The following CELSR1 variants were observed in gnomAD, a reference collection of about 807,000 sequenced individuals.
CELSR1 encodes adhesion G protein-coupled receptor C1.
In CELSR1, 110 loss-of-function variants were observed where a neutral mutation model predicts 249.1. That is an observed-to-expected ratio of 0.44 (90% CI 0.38 to 0.52). CELSR1 has a LOEUF of 0.52. CELSR1 is among the 20% of genes least tolerant of loss of function. CELSR1 has a pLI of 0.00. For missense variants in CELSR1, 4,109 were observed against 4,296.4 expected, an observed-to-expected ratio of 0.96 and a Z score of 1.22; for synonymous variants, 2,113 against 1,900.0, an observed-to-expected ratio of 1.11 and a Z score of -2.92.
chr22:46,435,556 T>A lies in CELSR1; in HGVS notation c.4522+618A>T, dbSNP rs184775265. 5.9e-5 allele frequency among the ~76,000 whole-genome samples: 9 copies of A among 152,004 alleles called. No individual in the cohort carries two copies. In the East Asian group the frequency reaches 1.8e-3, roughly 30 times the overall value. The stretch of plus-strand genomic sequence containing the variant: ...CTCGGCCTCCCAAAGTGCTGGGGAT[T>A]ACAGGCATGAGCCACTGCACCCGGC... On this transcript the variant is annotated intron_variant, in intron 4 of 34. Coordinates refer to ENST00000674500, the MANE Select transcript of CELSR1 (RefSeq NM_001378328.1).
rs533398149 is a variant in CELSR1 at position 46,440,434 on chromosome 22, C to T, written c.4184-1023G>A. 2.1e-4 allele frequency among the ~76,000 whole-genome samples: 32 copies of T among 152,282 alleles called. No homozygotes were observed. Among genetic ancestry groups the T allele is most frequent in the Admixed American group, 1.6e-3 (25 of 15,296 alleles). On this transcript the variant is annotated intron_variant, in intron 2 of 34. Transcript: ENST00000674500. This position sits in a 1 kb window ranked among gnomAD's most constrained non-coding sequence, Gnocchi z 4.7. The stretch of plus-strand genomic sequence containing the variant: ...CAGGATGGTCTCCATCTCCTAACCT[C>T]GTGATCCGCCTGCCTTGGCCTCCCA...
At chr22:46,515,708 C>T (rs1296383596) in intron 1 of CELSR1, among the ~76,000 whole-genome samples, 2 of 152,184 alleles carry the variant, frequency 1.3e-5, no homozygotes, top group African/African-American at 2.4e-5. Context: ...TCACTGGGGC[C>T]TCCCCAGCCT....
chr22:46,364,088 C>T lies in CELSR1; in HGVS notation c.8943G>A (p.Lys2981=), dbSNP rs1260259958. 1 of 1,612,260 alleles carries T rather than the reference C, an allele frequency of 6.2e-7. No individual in the cohort carries two copies. The highest frequency in any genetic ancestry group is 8.5e-7 in the Non-Finnish European group (1 of 1,179,692). ...CACGCCCCGGCTCCCTCCCAGGGCT[C>T]TTGACTGTGATGGCGCAGTCGGGGC... ...SGGPDCAITV[K]SPGREPGRDH... is the part of the protein sequence containing the mutation. Residue 2981 remains lysine (K), a synonymous_variant, in exon 34 of 35, where the codon AAG becomes AAA. Coordinates refer to ENST00000674500, the MANE Select transcript of CELSR1 (RefSeq NM_001378328.1).
At chr22:46,369,638 T>C in intron 26 of CELSR1, 54 bp downstream of exon 26, 1 of 1,540,308 alleles carries the variant, frequency 6.5e-7, no homozygotes, top group East Asian at 2.3e-5. Context: ...GAACAGCCCT[T>C]CCAGCTCATG....
rs767776235 is a variant in CELSR1 at position 46,394,156 on chromosome 22, G to A, written c.5950C>T (p.Gln1984Ter). 1 of 1,613,964 alleles carries A rather than the reference G, an allele frequency of 6.2e-7. No individual in the cohort carries two copies. Among genetic ancestry groups the A allele is most frequent in the Non-Finnish European group, 8.5e-7 (1 of 1,179,888 alleles). Residue 1984 changes from glutamine (Q) to a stop codon, truncating the protein, a stop_gained, in exon 14 of 35, where the codon CAG becomes TAG. Coordinates refer to ENST00000674500, the MANE Select transcript of CELSR1 (RefSeq NM_001378328.1). LOFTEE classifies it high-confidence loss of function. Reference sequence around the variant, plus strand: ...CGGGGCCTCACCTTGCATTGGCACTGGCCGTTGGTCTTATTACAGTCGGGA... The same window carrying A: ...CGGGGCCTCACCTTGCATTGGCACTAGCCGTTGGTCTTATTACAGTCGGGA... ...FDPDCNKTNG[Q>*]CQCKENYYKL...
rs1017511496 is a variant in CELSR1 at position 46,395,280 on chromosome 22, G to A, written c.5844-1018C>T. ...TTGGCAACTCCCCCTGCTCCAAGCT[G>A]TGCTCCATGCGGCAGGTGGGGGTTC... On this transcript the variant is annotated intron_variant, in intron 13 of 34. Transcript: ENST00000674500. The surrounding 1 kb of genome is among the most constrained non-coding windows in gnomAD (Gnocchi z 5.5). 2.6e-5 allele frequency among the ~76,000 whole-genome samples: 4 copies of A among 152,162 alleles called. No individual in the cohort carries two copies. Among genetic ancestry groups the A allele is most frequent in the African/African-American group, 9.7e-5 (4 of 41,438 alleles).
intron 27 of CELSR1, among the ~76,000 whole-genome samples, chr22:46,368,925 G>A (rs189527045): frequency 2.6e-4 from 39 of 152,070 alleles, no homozygotes; most frequent in Non-Finnish European, 4.7e-4. Context: ...GGGAGGGACT[G>A]AGGCCCAGGA....
At chr22:46,387,548 A>G (rs113718356) in intron 18 of CELSR1, among the ~76,000 whole-genome samples, 2,872 of 151,140 alleles carry the variant, frequency 0.019, 89 homozygotes, top group African/African-American at 0.067. Flanking sequence ...TAGAAGAGAC[A>G]GGGTTTCACC....
At chr22:46,378,753 G>A (rs367894380) in intron 22 of CELSR1, 36 bp from the exon 23 acceptor site, 21 of 1,596,576 alleles carry the variant, frequency 1.3e-5, no homozygotes, top group South Asian at 6.7e-5. Flanking sequence ...GGGGTAAGAC[G>A]GTTCCCTCTG....
chr22:46,508,709 A>G (rs1344862701), intron 1 of CELSR1, among the ~76,000 whole-genome samples: 1 of 152,182 alleles, frequency 6.6e-6, no homozygotes, highest in Non-Finnish European at 1.5e-5. Flanking sequence ...TTTGGCTGGA[A>G]TTTAGAAATG....
At position 46,493,222 on chromosome 22, in the gene CELSR1, C is replaced by G. The variant is rs1283749642; in HGVS notation, c.3545-28877G>C. The stretch of plus-strand genomic sequence containing the variant: ...CCATGATGGCACCACTGCACTCCAG[C>G]CTGGGCAGCAGAAAAAGACCCTGAC... On this transcript the variant is annotated intron_variant, in intron 1 of 34. Coordinates refer to ENST00000674500, the MANE Select transcript of CELSR1 (RefSeq NM_001378328.1). Among the ~76,000 whole-genome samples the G allele has an allele frequency of 2.0e-5, 3 of 152,038 alleles. 1 individual carries two copies. Among genetic ancestry groups the G allele is most frequent in the South Asian group, 4.2e-4 (2 of 4,818 alleles).
At chr22:46,466,440 G>A (rs1285782955) in intron 1 of CELSR1, among the ~76,000 whole-genome samples, 4 of 152,162 alleles carry the variant, frequency 2.6e-5, no homozygotes, top group Admixed American at 2.0e-4. Context: ...CACTAGAGAG[G>A]GCACATCGGG....
chr22:46,462,829 G>A (rs1305473724), intron 2 of CELSR1: 5 of 401,114 alleles, frequency 1.2e-5, no homozygotes, highest in African/African-American at 1.1e-4. Context: ...ACCACCGTTG[G>A]CTACATTTGG....
intron 1 of CELSR1, among the ~76,000 whole-genome samples, chr22:46,487,928 G>A (rs1248222946): frequency 3.0e-5 from 4 of 135,466 alleles, no homozygotes; most frequent in African/African-American, 1.1e-4. Flanking sequence ...TGATGAGGGT[G>A]TGGGGGAGGG....
rs1024362299 is a variant in CELSR1 at position 46,367,238 on chromosome 22, C to T, written c.8080-120G>A. On this transcript the variant is annotated intron_variant, in intron 28 of 34. Transcript: ENST00000674500. The stretch of plus-strand genomic sequence containing the variant: ...CACACAACATGTCCGGCCACACGGC[C>T]CAGGACACGGCCAGGCCTCCCCTCC... The T allele has an allele frequency of 2.2e-6, 3 of 1,348,794 alleles. No homozygotes were observed. The African/African-American group carries it at 4.4e-5, about 20-fold the overall frequency. The allele number at this position is 1,348,794 out of a possible 1,614,324, so 83.6% of individuals were successfully genotyped here.
chr22:46,411,528 T>C lies in CELSR1; in HGVS notation c.4769+74A>G. ...CACCCAGAGTGCCTACGTGGGGCCC[T>C]GCCCTGGGAAGGCCGCAGGGTGAGC... is the stretch of plus-strand genomic sequence containing the variant. On this transcript the variant is annotated intron_variant, in intron 6 of 34. Transcript: ENST00000674500. This position sits in a 1 kb window ranked among gnomAD's most constrained non-coding sequence, Gnocchi z 4.2. The C allele has an allele frequency of 6.4e-7, 1 of 1,565,510 alleles. No homozygotes were observed. The highest frequency in any genetic ancestry group is 8.7e-7 in the Non-Finnish European group (1 of 1,150,734).
At position 46,440,400 on chromosome 22, in the gene CELSR1, C is replaced by T. The variant is rs3788683; in HGVS notation, c.4184-989G>A. On this transcript the variant is annotated intron_variant, in intron 2 of 34. Coordinates refer to ENST00000674500, the MANE Select transcript of CELSR1 (RefSeq NM_001378328.1). The surrounding 1 kb of genome is among the most constrained non-coding windows in gnomAD (Gnocchi z 4.7). ...ATTTTTAGTAGAGACGGGGATTCACCGTGTTAGCCAGGATGGTCTCCATCT... is the reference window on the plus strand; with the variant it reads ...ATTTTTAGTAGAGACGGGGATTCACTGTGTTAGCCAGGATGGTCTCCATCT... 7.9e-4 allele frequency among the ~76,000 whole-genome samples: 121 copies of T among 152,318 alleles called. 1 individual carries two copies. The East Asian group carries it at 0.022, about 27-fold the overall frequency.
chr22:46,395,217 G>A lies in CELSR1; in HGVS notation c.5844-955C>T, dbSNP rs1197918960. On this transcript the variant is annotated intron_variant, in intron 13 of 34. Transcript: ENST00000674500. The surrounding 1 kb of genome is among the most constrained non-coding windows in gnomAD (Gnocchi z 5.5). ...ACCTTCATCCCCCTGCAGCAGTGGTGACTGTGGCGCCGGGCATGGAGATGC... is the reference window on the plus strand; with the variant it reads ...ACCTTCATCCCCCTGCAGCAGTGGTAACTGTGGCGCCGGGCATGGAGATGC... Among the ~76,000 whole-genome samples, 1 of 152,206 alleles carries A rather than the reference G, an allele frequency of 6.6e-6. No homozygotes were observed. Among genetic ancestry groups the A allele is most frequent in the East Asian group, 1.9e-4 (1 of 5,200 alleles).
rs980882469 is a variant in CELSR1 at position 46,506,685 on chromosome 22, C to A, written c.3544+26942G>T. ...GGCATACCCTCCCTACCCGCAGTGA[C>A]GCACAGCCGCTGAGACAAGCCCAAA... On this transcript the variant is annotated intron_variant, in intron 1 of 34. Transcript: ENST00000674500. This position sits in a 1 kb window ranked among gnomAD's most constrained non-coding sequence, Gnocchi z 4.1. Among the ~76,000 whole-genome samples the A allele has an allele frequency of 6.6e-6, 1 of 152,184 alleles. No individual in the cohort carries two copies. The highest frequency in any genetic ancestry group is 2.4e-5 in the African/African-American group (1 of 41,446).
Sources: gnomAD v4.1 joint callset for allele counts (sites outside exome capture counted in the v4.1 genomes callset) on GRCh38, gnomAD v4.1.1 for gene constraint, Gnocchi (gnomAD v3.1) non-coding constraint, MANE v1.5 for transcripts, NCBI Gene and HGNC (gene_info 2026-07-23, HGNC 2026-07-21) for gene names.